DERA: variants seen among roughly 807,000 people sequenced by gnomAD.
DERA encodes 2-deoxy-D-ribose 5-phosphate aldolase.
A neutral mutation model predicts 41.1 loss-of-function variants in DERA; 15 were observed. That is an observed-to-expected ratio of 0.37 (90% CI 0.24 to 0.56). The LOEUF is 0.56. DERA is among the 20% of genes least tolerant of loss of function. DERA has a pLI of 0.81. For synonymous variants in DERA, 139 were observed against 137.4 expected, an observed-to-expected ratio of 1.01 and a Z score of -0.08; for missense variants, 396 against 403.4, an observed-to-expected ratio of 0.98 and a Z score of 0.16.
In DERA at chr12:16,023,563, C is replaced by T. The variant is rs1049178717; in HGVS notation, c.638-8979C>T. On this transcript the variant is annotated intron_variant, in intron 6 of 8. Coordinates refer to ENST00000428559, the MANE Select transcript of DERA (RefSeq NM_015954.4). Reference sequence around the variant, plus strand: ...CGGGATCTCGGCTCACTGCAAGCTCCGCCTCCCGGGTTCACGCCATTCTCC... The same window carrying T: ...CGGGATCTCGGCTCACTGCAAGCTCTGCCTCCCGGGTTCACGCCATTCTCC... Among the ~76,000 whole-genome samples, 128 of 148,432 alleles carry T rather than the reference C, an allele frequency of 8.6e-4. 1 individual carries two copies. Among genetic ancestry groups the T allele is most frequent in the South Asian group, 2.8e-3 (13 of 4,660 alleles).
Position 15,998,445 on chromosome 12 carries a change from G to A in DERA, c.637+16009G>A, listed in dbSNP as rs939239719. ...CAGTTCTCCCGCCTCAGCCTCCCGA[G>A]TAGCTGAGATTACAGGCATCCACCA... On this transcript the variant is annotated intron_variant, in intron 6 of 8. Coordinates refer to ENST00000428559, the MANE Select transcript of DERA (RefSeq NM_015954.4). The surrounding 1 kb of genome is among the most constrained non-coding windows in gnomAD (Gnocchi z 4.8). Among the ~76,000 whole-genome samples the A allele has an allele frequency of 6.6e-6, 1 of 152,086 alleles. No homozygotes were observed. The highest frequency in any genetic ancestry group is 1.5e-5 in the Non-Finnish European group (1 of 68,028).
At chr12:15,950,237 G>A (rs1284809853) in intron 1 of DERA, among the ~76,000 whole-genome samples, 4 of 152,198 alleles carry the variant, frequency 2.6e-5, no homozygotes, top group African/African-American at 9.7e-5. Flanking sequence ...AGGGCTTCTG[G>A]TTGCCTATTT....
intron 3 of DERA, among the ~76,000 whole-genome samples, chr12:15,958,854 G>A (rs946719782): frequency 6.6e-6 from 1 of 152,158 alleles, no homozygotes; most frequent in Non-Finnish European, 1.5e-5. Context: ...TTCTAGAGTT[G>A]CCATAAGTTT....
At chr12:16,033,313 A>G (rs543287676) in intron 7 of DERA, among the ~76,000 whole-genome samples, 1 of 152,378 alleles carries the variant, frequency 6.6e-6, no homozygotes, top group South Asian at 2.1e-4. Flanking sequence ...GACGTTATAT[A>G]GCTCTTGAAT....
Position 16,032,670 on chromosome 12 carries a change from C to T in DERA, c.750+16C>T, listed in dbSNP as rs1949101094. Reference sequence around the variant, plus strand: ...TGGAAACAAGGTATATTATTGCCAGCAAATCTTTCTTCAGAGTAAAGATAA... The same window carrying T: ...TGGAAACAAGGTATATTATTGCCAGTAAATCTTTCTTCAGAGTAAAGATAA... On this transcript the variant is annotated intron_variant, in intron 7 of 8. Coordinates refer to ENST00000428559, the MANE Select transcript of DERA (RefSeq NM_015954.4). The T allele has an allele frequency of 7.1e-7, 1 of 1,417,586 alleles. No homozygotes were observed. The allele number at this position is 1,417,586 out of a possible 1,614,324, so 87.8% of individuals were successfully genotyped here.
intron 1 of DERA, among the ~76,000 whole-genome samples, chr12:15,914,218 C>T (rs1485464920): frequency 6.6e-6 from 1 of 151,982 alleles, no homozygotes; most frequent in Non-Finnish European, 1.5e-5. Context: ...CCTATCTCTA[C>T]TAAAAATACA....
In DERA at chr12:15,935,244, T is replaced by A. The variant is rs1393726191; in HGVS notation, c.32-21692T>A. Among the ~76,000 whole-genome samples, 1 of 152,198 alleles carries A rather than the reference T, an allele frequency of 6.6e-6. No individual in the cohort carries two copies. Among genetic ancestry groups the A allele is most frequent in the Non-Finnish European group, 1.5e-5 (1 of 68,042 alleles). ...GCTCATGCCTGTAATCTCAGCACTT[T>A]GGGAGGCTGAGGTGGGTGGATCACT... On this transcript the variant is annotated intron_variant, in intron 1 of 8. Coordinates refer to ENST00000428559, the MANE Select transcript of DERA (RefSeq NM_015954.4). The surrounding 1 kb of genome is among the most constrained non-coding windows in gnomAD (Gnocchi z 4.8).
chr12:15,923,750 T>C (rs189218563), intron 1 of DERA, among the ~76,000 whole-genome samples: 1 of 152,104 alleles, frequency 6.6e-6, no homozygotes, highest in Admixed American at 6.5e-5. Context: ...TCTTCCTCTC[T>C]TCTATTCCCT....
rs1592050878 is a variant in DERA at position 16,014,677 on chromosome 12, G to A, written c.638-17865G>A. ...GTCTCCACACAGAGTCCCCACTGGG[G>A]CACTGCCTAGTGGAGCTGTGAGAAG... On this transcript the variant is annotated intron_variant, in intron 6 of 8. Coordinates refer to ENST00000428559, the MANE Select transcript of DERA (RefSeq NM_015954.4). The surrounding 1 kb of genome is among the most constrained non-coding windows in gnomAD (Gnocchi z 5.4). Among the ~76,000 whole-genome samples the A allele has an allele frequency of 6.6e-6, 1 of 152,320 alleles. No homozygotes were observed. The highest frequency in any genetic ancestry group is 1.5e-5 in the Non-Finnish European group (1 of 68,032).
chr12:15,937,241 C>T lies in DERA; in HGVS notation c.32-19695C>T, dbSNP rs146005699. ...AAAGTGCTAAGATTATATATGTGAG[C>T]CACTGTGCCCAGCCTGTATTTTCTT... On this transcript the variant is annotated intron_variant, in intron 1 of 8. Transcript: ENST00000428559. Among the ~76,000 whole-genome samples the T allele has an allele frequency of 4.7e-3, 723 of 152,282 alleles. 5 individuals are homozygous for T. The highest frequency in any genetic ancestry group is 8.0e-3 in the Admixed American group (123 of 15,300).
intron 5 of DERA, among the ~76,000 whole-genome samples, chr12:15,980,853 A>T (rs913821783): frequency 1.3e-5 from 2 of 152,134 alleles, no homozygotes; most frequent in Non-Finnish European, 2.9e-5. Flanking sequence ...CTTCAAGTTC[A>T]TGTTTTCTGT....
At position 15,940,756 on chromosome 12, in the gene DERA, A is replaced by C. The variant is rs1948402895; in HGVS notation, c.32-16180A>C. 6.6e-6 allele frequency among the ~76,000 whole-genome samples: 1 copy of C among 152,224 alleles called. No homozygotes were observed. The highest frequency in any genetic ancestry group is 2.4e-5 in the African/African-American group (1 of 41,454). On this transcript the variant is annotated intron_variant, in intron 1 of 8. Transcript: ENST00000428559. The surrounding 1 kb of genome is among the most constrained non-coding windows in gnomAD (Gnocchi z 5.1). ...AGTCATGCTTCAGAGTTTTCTGGTAACTGTATCTTCTGAATATGTGTTAAA... is the reference window on the plus strand; with the variant it reads ...AGTCATGCTTCAGAGTTTTCTGGTACCTGTATCTTCTGAATATGTGTTAAA...
intron 6 of DERA, among the ~76,000 whole-genome samples, chr12:16,015,884 A>AT (rs972396003): frequency 3.3e-5 from 5 of 151,964 alleles, no homozygotes; most frequent in African/African-American, 1.2e-4. Context: ...TTACTAGGCA[A>AT]TTTTTTTTCC....
chr12:16,034,257 T>C (rs1949112340), intron 7 of DERA, among the ~76,000 whole-genome samples: 1 of 152,214 alleles, frequency 6.6e-6, no homozygotes, highest in South Asian at 2.1e-4. Context: ...CCATGTGCCA[T>C]GTTAACCTGT....
At chr12:15,997,350 T>G (rs147894774) in intron 6 of DERA, among the ~76,000 whole-genome samples, 1 of 152,306 alleles carries the variant, frequency 6.6e-6, no homozygotes, top group African/African-American at 2.4e-5. Flanking sequence ...AGGATTACTT[T>G]ATAAGCCAAA....
chr12:15,964,605 A>G (rs965109747), intron 5 of DERA, among the ~76,000 whole-genome samples: 2 of 152,250 alleles, frequency 1.3e-5, no homozygotes, highest in Non-Finnish European at 2.9e-5. Context: ...ATTTAAGGCT[A>G]GAGTAAAATG....
chr12:16,022,489 A>G (rs1247928183), intron 6 of DERA, among the ~76,000 whole-genome samples: 1 of 152,218 alleles, frequency 6.6e-6, no homozygotes, highest in East Asian at 1.9e-4. Flanking sequence ...CATAACTACC[A>G]GATACATTCT....
rs1203276864 is a variant in DERA, at chr12:15,982,806, T to C, written c.637+370T>C. On this transcript the variant is annotated intron_variant, in intron 6 of 8. Coordinates refer to ENST00000428559, the MANE Select transcript of DERA (RefSeq NM_015954.4). This position sits in a 1 kb window ranked among gnomAD's most constrained non-coding sequence, Gnocchi z 4.0. The stretch of plus-strand genomic sequence containing the variant: ...TTAAGCTTTTCATTTATCTCAGAGA[T>C]ATATATCCATACTATCTGAGACAGC... Among the ~76,000 whole-genome samples the C allele has an allele frequency of 1.3e-5, 2 of 152,266 alleles. No homozygotes were observed. The highest frequency in any genetic ancestry group is 4.8e-5 in the African/African-American group (2 of 41,480).
chr12:15,944,538 T>C (rs888661492), intron 1 of DERA, among the ~76,000 whole-genome samples: 5 of 152,210 alleles, frequency 3.3e-5, no homozygotes, highest in African/African-American at 1.2e-4. Context: ...TTTTGAGAAG[T>C]GTCTGTTCAT....
Sources: gnomAD v4.1 joint callset for allele counts (sites outside exome capture counted in the v4.1 genomes callset) on GRCh38, gnomAD v4.1.1 for gene constraint, Gnocchi (gnomAD v3.1) non-coding constraint, MANE v1.5 for transcripts, NCBI Gene and HGNC (gene_info 2026-07-23, HGNC 2026-07-21) for gene names.